EPB41: variants seen among roughly 807,000 people sequenced by gnomAD.
EPB41 encodes the protein erythrocyte membrane protein band 4.1, also known as protein 4.1.
A neutral mutation model predicts 108.0 loss-of-function variants in EPB41; 65 were observed. That is an observed-to-expected ratio of 0.60 (90% CI 0.49 to 0.74). The LOEUF (loss-of-function observed/expected upper bound fraction) is 0.74. EPB41 is among the 30% of genes least tolerant of loss of function. The pLI, the probability that EPB41 is intolerant of heterozygous loss-of-function variation, is 0.00. For synonymous variants in EPB41, 336 were observed against 358.9 expected (o/e 0.94, Z 0.72); for missense variants, 875 against 1,037.0 (o/e 0.84, Z 2.15).
chr1:28,972,955 C>T (rs893198117), intron 1 of EPB41, among the ~76,000 whole-genome samples: 5 of 152,082 alleles, frequency 3.3e-5, no homozygotes, highest in African/African-American at 1.2e-4. Flanking sequence ...AGGAAGAATT[C>T]TGAAGAAACT....
At chr1:29,015,273 G>A (rs2150010959) in intron 5 of EPB41, among the ~76,000 whole-genome samples, 1 of 151,268 alleles carries the variant, frequency 6.6e-6, no homozygotes, top group South Asian at 2.1e-4. Context: ...AAAGAGAAAT[G>A]TAGGCTGGGC....
At chr1:28,983,139 A>AT (rs1438230114) in intron 1 of EPB41, among the ~76,000 whole-genome samples, 1 of 152,318 alleles carries the variant, frequency 6.6e-6, no homozygotes, top group African/African-American at 2.4e-5. Flanking sequence ...GGAAACTTGG[A>AT]TTTGCCATAC....
chr1:28,978,201 A>G (rs1234539674), intron 1 of EPB41, among the ~76,000 whole-genome samples: 1 of 151,378 alleles, frequency 6.6e-6, no homozygotes, highest in South Asian at 2.1e-4. Context: ...TGTTTTTTAC[A>G]TATGTCCCAT....
chr1:29,114,634 T>C, intron 19 of EPB41, among the ~76,000 whole-genome samples: 1 of 67,234 alleles, frequency 1.5e-5, no homozygotes, highest in Admixed American at 1.9e-4. Context: ...TGAGACTCCG[T>C]CTAAAAAAAA....
intron 11 of EPB41, among the ~76,000 whole-genome samples, chr1:29,047,861 G>C (rs1643773123): frequency 6.6e-6 from 1 of 151,398 alleles, no homozygotes; most frequent in Non-Finnish European, 1.5e-5. Context: ...TCGGCTCACT[G>C]CAACTTCTGC....
At chr1:29,061,282 A>G (rs1337323078) in intron 15 of EPB41, among the ~76,000 whole-genome samples, 1 of 151,736 alleles carries the variant, frequency 6.6e-6, no homozygotes, top group Non-Finnish European at 1.5e-5. Context: ...ATTTTATTTT[A>G]TTTTTGAGAC....
At chr1:28,987,202 ACT>A (rs1284574805) in intron 1 of EPB41, among the ~76,000 whole-genome samples, 1 of 152,022 alleles carries the variant, frequency 6.6e-6, no homozygotes, top group African/African-American at 2.4e-5. Context: ...ATTTTAAGCT[ACT>A]CTCTCTGTGT....
chr1:28,962,207 C>A (rs2095237758), intron 1 of EPB41, among the ~76,000 whole-genome samples: 1 of 151,828 alleles, frequency 6.6e-6, no homozygotes, highest in Admixed American at 6.6e-5. Flanking sequence ...ATTACAGGGG[C>A]CCGCCATCAT....
intron 1 of EPB41, among the ~76,000 whole-genome samples, chr1:28,920,373 A>G (rs542689308): frequency 1.3e-5 from 2 of 152,254 alleles, no homozygotes; most frequent in East Asian, 1.9e-4. Flanking sequence ...TATAGATGCA[A>G]CCTGATTCCA....
chr1:28,907,321 C>T (rs892480355), intron 1 of EPB41, among the ~76,000 whole-genome samples: 26 of 152,184 alleles, frequency 1.7e-4, no homozygotes, highest in Admixed American at 1.3e-3. Context: ...CCTGCCTCGG[C>T]CTCCCAAAGT....
At chr1:29,020,250 G>A (rs934889268) in intron 7 of EPB41, among the ~76,000 whole-genome samples, 1 of 151,632 alleles carries the variant, frequency 6.6e-6, no homozygotes, top group Non-Finnish European at 1.5e-5. Context: ...TGTATTTTTA[G>A]TAGAGACGGG....
chr1:28,972,618 T>TC, intron 1 of EPB41, among the ~76,000 whole-genome samples: 1 of 151,972 alleles, frequency 6.6e-6, no homozygotes, highest in African/African-American at 2.4e-5. Flanking sequence ...TTTTTTTTTT[T>TC]AGACAGAGTC....
intron 1 of EPB41, among the ~76,000 whole-genome samples, chr1:28,894,238 T>C (rs964526194): frequency 2.0e-5 from 3 of 152,228 alleles, no homozygotes; most frequent in Admixed American, 1.3e-4. Context: ...GTTCACCAGG[T>C]GCTGTATCTT....
chr1:29,064,035 G>A (rs185992037), intron 15 of EPB41, among the ~76,000 whole-genome samples: 19 of 151,930 alleles, frequency 1.3e-4, no homozygotes, highest in Non-Finnish European at 2.5e-4. Context: ...AGGTTGCCCA[G>A]TATTCAAATT....
intron 15 of EPB41, among the ~76,000 whole-genome samples, chr1:29,064,294 GA>G (rs933373948): frequency 2.0e-5 from 3 of 151,992 alleles, no homozygotes; most frequent in African/African-American, 4.8e-5. Context: ...TGTTGACAAA[GA>G]AAAAAAGTCA....
At chr1:28,981,607 A>T (rs2095747671) in intron 1 of EPB41, among the ~76,000 whole-genome samples, 1 of 152,130 alleles carries the variant, frequency 6.6e-6, no homozygotes. Context: ...TGCCAGCATT[A>T]TTTTTTACAA....
Position 28,971,947 on chromosome 1 carries a change from C to T in EPB41, c.-7-15484C>T, listed in dbSNP as rs139921689. Among the ~76,000 whole-genome samples, 1,004 of 152,096 alleles carry T rather than the reference C, an allele frequency of 6.6e-3. 8 individuals are homozygous for T. Among genetic ancestry groups the T allele is most frequent in the South Asian group, 0.03 (146 of 4,806 alleles). ...ACAGGGTCTCATTCTGTCACCCAGT[C>T]TGGAGTGCAGCGATCACAGCTCACT... is the stretch of plus-strand genomic sequence containing the variant. On this transcript the variant is annotated intron_variant, in intron 1 of 20. Coordinates refer to ENST00000343067, the MANE Select transcript of EPB41 (RefSeq NM_001376013.1).
At chr1:29,030,572 C>A in intron 8 of EPB41, 85 bp downstream of exon 8, 1 of 1,039,640 alleles carries the variant, frequency 9.6e-7, no homozygotes, top group Non-Finnish European at 1.5e-6. Flanking sequence ...ACATCTGTGT[C>A]ATATAATACT....
chr1:28,904,755 C>T (rs753336436), intron 1 of EPB41, among the ~76,000 whole-genome samples: 1 of 152,028 alleles, frequency 6.6e-6, no homozygotes, highest in Non-Finnish European at 1.5e-5. Context: ...AAAAATTGGC[C>T]AGCCGTGGTG....
Sources: gnomAD v4.1 joint callset for allele counts (sites outside exome capture counted in the v4.1 genomes callset) on GRCh38, gnomAD v4.1.1 for gene constraint, MANE v1.5 for transcripts, NCBI Gene and HGNC (gene_info 2026-07-23, HGNC 2026-07-21) for gene names.